The following LHFPL1 variants were observed in gnomAD, a reference collection of about 807,000 sequenced individuals.
LHFPL1 encodes the protein LHFPL tetraspan subfamily member 1, also known as LHFPL tetraspan subfamily member 1 protein.
LHFPL1 carries 4 observed loss-of-function variants against 12.1 expected under a neutral mutation model. The ratio of observed to expected loss-of-function variants is 0.33; its 90% CI spans 0.16 to 0.76. The LOEUF (loss-of-function observed/expected upper bound fraction) is 0.76. Among genes scored for constraint, LHFPL1 ranks in the 30% least tolerant of loss-of-function variants. The pLI is 0.61. For synonymous variants in LHFPL1, 52 were observed against 61.9 expected (o/e 0.84, Z 0.75); for missense variants, 141 against 174.1 (o/e 0.81, Z 1.07).
At chrX:112,654,026 G>C (rs752397800) in intron 3 of LHFPL1, among the ~76,000 whole-genome samples, 4 of 111,888 alleles carry the variant, frequency 3.6e-5, no homozygotes, top group Non-Finnish European at 5.6e-5. Flanking sequence ...TCACATTGTG[G>C]GTTGGAGAAT....
intron 2 of LHFPL1, chrX:112,661,914 C>T (rs765390282): frequency 8.9e-6 from 1 of 111,987 alleles, no homozygotes; most frequent in East Asian, 2.8e-4. Context: ...GAGTGAGTAT[C>T]AATTCTGGAT....
chrX:112,638,652 T>A (rs1376877680), intron 3 of LHFPL1, among the ~76,000 whole-genome samples: 1 of 112,049 alleles, frequency 8.9e-6, no homozygotes, highest in Non-Finnish European at 1.9e-5. Flanking sequence ...ACATGGAGAC[T>A]GATGGCTGGG....
chrX:112,675,717 C>T (rs1399010747), intron 1 of LHFPL1, among the ~76,000 whole-genome samples: 1 of 111,035 alleles, frequency 9.0e-6, no homozygotes, highest in East Asian at 2.8e-4. Context: ...CCAGGAAAGT[C>T]CCAAAAAACC....
At chrX:112,670,201 T>C (rs1931457692) in intron 2 of LHFPL1, among the ~76,000 whole-genome samples, 1 of 112,674 alleles carries the variant, frequency 8.9e-6, no homozygotes, top group Admixed American at 9.3e-5. Flanking sequence ...CAGTGCCCAA[T>C]CTAGGTTTTG....
At chrX:112,659,925 T>G (rs182306365) in intron 3 of LHFPL1, among the ~76,000 whole-genome samples, 1 of 112,442 alleles carries the variant, frequency 8.9e-6, no homozygotes, top group African/African-American at 3.2e-5. Flanking sequence ...GCACAAGCTA[T>G]ATGTGGTTGG....
At chrX:112,677,493 A>C (rs1931683483) in intron 1 of LHFPL1, among the ~76,000 whole-genome samples, 1 of 110,656 alleles carries the variant, frequency 9.0e-6, no homozygotes, top group African/African-American at 3.3e-5. Flanking sequence ...CATCTTACTC[A>C]GAGTTGAGAC....
intron 3 of LHFPL1, among the ~76,000 whole-genome samples, chrX:112,655,599 T>G (rs1930975895): frequency 8.9e-6 from 1 of 111,869 alleles, no homozygotes; most frequent in African/African-American, 3.2e-5. Context: ...CCTCCCTACC[T>G]TCTTCATCTC....
intron 2 of LHFPL1, among the ~76,000 whole-genome samples, chrX:112,667,985 T>C: frequency 9.0e-6 from 1 of 111,105 alleles, no homozygotes; most frequent in South Asian, 4.0e-4. Flanking sequence ...TCTTAATGGA[T>C]ACTCCATCTC....
intron 3 of LHFPL1, among the ~76,000 whole-genome samples, chrX:112,655,948 C>T (rs906800922): frequency 8.9e-6 from 1 of 111,788 alleles, no homozygotes; most frequent in Non-Finnish European, 1.9e-5. Flanking sequence ...ATGCAAATCA[C>T]ATATCCAACT....
At chrX:112,642,484 G>A (rs1023664328) in intron 3 of LHFPL1, among the ~76,000 whole-genome samples, 2 of 108,691 alleles carry the variant, frequency 1.8e-5, no homozygotes, top group Non-Finnish European at 3.8e-5. Context: ...AAGGACTAGA[G>A]GCAGGACTGA....
At chrX:112,644,616 T>C (rs1221222524) in intron 3 of LHFPL1, among the ~76,000 whole-genome samples, 1 of 111,111 alleles carries the variant, frequency 9.0e-6, no homozygotes, top group African/African-American at 3.3e-5. Context: ...CTGGGGCCTC[T>C]GAGTACTTAT....
chrX:112,663,324 A>G (rs1476142697), intron 2 of LHFPL1, among the ~76,000 whole-genome samples: 1 of 112,248 alleles, frequency 8.9e-6, no homozygotes, highest in Non-Finnish European at 1.9e-5. Flanking sequence ...GGCAGGAGAC[A>G]TACTTATCTT....
intron 2 of LHFPL1, among the ~76,000 whole-genome samples, chrX:112,664,895 G>T (rs1041331949): frequency 1.6e-4 from 18 of 111,940 alleles, no homozygotes; most frequent in African/African-American, 5.8e-4. Context: ...TAAAAATGTG[G>T]ATTCTTGGAC....
intron 2 of LHFPL1, among the ~76,000 whole-genome samples, chrX:112,662,754 A>C (rs888137900): frequency 4.5e-5 from 5 of 111,760 alleles, no homozygotes; most frequent in African/African-American, 9.8e-5. Flanking sequence ...CAATACAACA[A>C]CACCCCCTGT....
chrX:112,679,136 C>T (rs1931735150), intron 1 of LHFPL1, among the ~76,000 whole-genome samples: 1 of 111,104 alleles, frequency 9.0e-6, no homozygotes, highest in Admixed American at 9.5e-5. Flanking sequence ...CTCCCCACAA[C>T]CACTCCATGG....
At chrX:112,636,087 G>C (rs568649353) in intron 3 of LHFPL1, among the ~76,000 whole-genome samples, 188 of 111,025 alleles carry the variant, frequency 1.7e-3, no homozygotes, top group African/African-American at 5.9e-3. Context: ...GTAACACCCT[G>C]GCTTCTACCC....
At chrX:112,645,954 G>A (rs764602179) in intron 3 of LHFPL1, among the ~76,000 whole-genome samples, 40 of 111,214 alleles carry the variant, frequency 3.6e-4, no homozygotes, top group Non-Finnish European at 4.9e-4. Flanking sequence ...TACCGTATAC[G>A]TGGGAGTAAG....
chrX:112,638,856 G>A (rs914634454), intron 3 of LHFPL1, among the ~76,000 whole-genome samples: 10 of 111,555 alleles, frequency 9.0e-5, no homozygotes, highest in Non-Finnish European at 1.9e-4. Flanking sequence ...CCAAACTACC[G>A]TTTGGTACAC....
intron 3 of LHFPL1, among the ~76,000 whole-genome samples, chrX:112,634,810 C>G (rs914575671): frequency 9.0e-6 from 1 of 111,339 alleles, no homozygotes; most frequent in Non-Finnish European, 1.9e-5. Flanking sequence ...ACAGAAATTT[C>G]TGTTAGACCT....
Sources: gnomAD v4.1 joint callset for allele counts (sites outside exome capture counted in the v4.1 genomes callset) on GRCh38, gnomAD v4.1.1 for gene constraint, MANE v1.5 for transcripts, NCBI Gene and HGNC (gene_info 2026-07-23, HGNC 2026-07-21) for gene names.